NF2: variants seen among roughly 807,000 people sequenced by gnomAD.
NF2 encodes NF2, moesin-ezrin-radixin like (MERLIN) tumor suppressor, also known as merlin.
Under a neutral mutation model 83.7 loss-of-function variants are expected in NF2, and 8 were observed. The ratio of observed to expected loss-of-function variants is 0.10; its 90% CI spans 0.06 to 0.17. The LOEUF is 0.17. NF2 is among the 10% of genes least tolerant of loss of function. The pLI, the probability that NF2 is intolerant of heterozygous loss-of-function variation, is 1.00. For synonymous variants in NF2, 266 were observed against 269.6 expected (o/e 0.99, Z 0.13); for missense variants, 533 against 744.4 (o/e 0.72, Z 3.31).
intron 1 of NF2, among the ~76,000 whole-genome samples, chr22:29,605,457 AGCC>A (rs2064765407): frequency 6.6e-6 from 1 of 151,842 alleles, no homozygotes; most frequent in Non-Finnish European, 1.5e-5. Context: ...TACAGATGTG[AGCC>A]ACCCCGCCCA....
rs566160360 is a variant in NF2, at chr22:29,642,960, CT to C, written c.447+689del. Among the ~76,000 whole-genome samples the C allele has an allele frequency of 6.1e-3, 883 of 144,298 alleles. 1 individual carries two copies. Among genetic ancestry groups the C allele is most frequent in the African/African-American group, 7.5e-3 (296 of 39,446 alleles). The allele number at this position is 144,298 out of a possible 152,430, so 94.7% of individuals were successfully genotyped here. ...TCACTTCCGTTAAATCACTATAGAC[CT>C]TTTTTTTTTTTTTACAAGACCGATG... On this transcript the variant is annotated intron_variant, in intron 4 of 15. Coordinates refer to ENST00000338641, the MANE Select transcript of NF2 (RefSeq NM_000268.4).
intron 15 of NF2, chr22:29,683,087 C>T: frequency 6.2e-7 from 1 of 1,614,204 alleles, no homozygotes; most frequent in South Asian, 1.1e-5. Flanking sequence ...CAGGTACTCT[C>T]TATGTGGTGA....
At chr22:29,631,966 G>A (rs1431038803) in intron 1 of NF2, among the ~76,000 whole-genome samples, 2 of 152,274 alleles carry the variant, frequency 1.3e-5, no homozygotes, top group East Asian at 3.9e-4. Context: ...AAGCCCTCAT[G>A]TCCTGAGGCA....
chr22:29,611,059 A>G (rs990839737), intron 1 of NF2, among the ~76,000 whole-genome samples: 1 of 152,234 alleles, frequency 6.6e-6, no homozygotes, highest in Non-Finnish European at 1.5e-5. Context: ...CATTATATCA[A>G]TAGAATAAAA....
At position 29,643,913 on chromosome 22, in the gene NF2, C is replaced by G. The variant is rs1363030783; in HGVS notation, c.447+1628C>G. Among the ~76,000 whole-genome samples, 4 of 148,884 alleles carry G rather than the reference C, an allele frequency of 2.7e-5. No homozygotes were observed. The South Asian group carries it at 8.6e-4, about 32-fold the overall frequency. The stretch of plus-strand genomic sequence containing the variant: ...CTCCCGGATGGGGCGGCTGGCCGGG[C>G]GGGGGGCTGACCCCCCAACCTCCCT... On this transcript the variant is annotated intron_variant, in intron 4 of 15. Transcript: ENST00000338641.
At chr22:29,610,651 A>T (rs1414211284) in intron 1 of NF2, among the ~76,000 whole-genome samples, 1 of 151,898 alleles carries the variant, frequency 6.6e-6, no homozygotes, top group Non-Finnish European at 1.5e-5. Context: ...CTCAAAAAAA[A>T]AAAAAAAGAA....
intron 15 of NF2, among the ~76,000 whole-genome samples, chr22:29,688,831 C>G (rs2067330338): frequency 6.6e-6 from 1 of 152,244 alleles, no homozygotes; most frequent in Admixed American, 6.5e-5. Context: ...AGTGCTCCCA[C>G]TGTGCACATC....
chr22:29,649,504 C>A (rs1373311199), intron 4 of NF2, among the ~76,000 whole-genome samples: 1 of 152,182 alleles, frequency 6.6e-6, no homozygotes, highest in African/African-American at 2.4e-5. Flanking sequence ...GAGTTCGAGA[C>A]CTGCCTGGGC....
intron 8 of NF2, 125 bp downstream of exon 8, chr22:29,661,464 G>A: frequency 2.1e-6 from 3 of 1,403,076 alleles, no homozygotes; most frequent in Non-Finnish European, 3.0e-6. Flanking sequence ...CAGGCTTTGA[G>A]GGTGTGGTTG....
Position 29,604,067 on chromosome 22 carries a change from C to A in NF2, c.69C>A (p.Thr23=), listed in dbSNP as rs2064716137. 6.2e-7 allele frequency: 1 copy of A among 1,607,770 alleles called. No homozygotes were observed. Among genetic ancestry groups the A allele is most frequent in the Non-Finnish European group, 8.5e-7 (1 of 1,177,292 alleles). ...SLKRKQPKTF[T]VRIVTMDAEM... The stretch of plus-strand genomic sequence containing the variant: ...AGAGGAAGCAACCCAAGACGTTCAC[C>A]GTGAGGATCGTCACCATGGACGCCG... The change falls in exon 1 of 16, where the codon ACC becomes ACA. Residue 23 remains threonine, a synonymous_variant. Transcript: ENST00000338641.
intron 7 of NF2, among the ~76,000 whole-genome samples, chr22:29,660,569 GT>G (rs985880850): frequency 1.3e-5 from 2 of 151,840 alleles, no homozygotes; most frequent in African/African-American, 2.4e-5. Context: ...AAACCTATGG[GT>G]TTTTTTTGTT....
At chr22:29,690,622 G>A (rs2147156534) in intron 15 of NF2, among the ~76,000 whole-genome samples, 1 of 152,348 alleles carries the variant, frequency 6.6e-6, no homozygotes, top group East Asian at 1.9e-4. Context: ...AGAAAGAAAA[G>A]GAAGTTCGTC....
chr22:29,671,891 G>C lies in NF2; in HGVS notation c.1065G>C (p.Glu355Asp), dbSNP rs1277506366. 1 of 1,614,118 alleles carries C rather than the reference G, an allele frequency of 6.2e-7. No homozygotes were observed. Among genetic ancestry groups the C allele is most frequent in the African/African-American group, 1.3e-5 (1 of 74,936 alleles). ...MREEAERTRDELERRLLQMKE... is the reference protein window; with the variant it reads ...MREEAERTRDDLERRLLQMKE... The stretch of plus-strand genomic sequence containing the variant: ...AGGAGGCTGAACGCACGAGGGATGA[G>C]TTGGAGAGGAGGCTGCTGCAGATGA... Residue 355 changes from glutamate (E) to aspartate (D), a missense_variant, in exon 11 of 16, where the codon GAG (glutamate) becomes GAC (aspartate). Physicochemically the swap from Glu to Asp is conservative, Grantham distance 45. Coordinates refer to ENST00000338641, the MANE Select transcript of NF2 (RefSeq NM_000268.4).
intron 7 of NF2, 22 bp downstream of exon 7, chr22:29,658,286 C>A (rs1278865933): frequency 1.2e-6 from 2 of 1,606,724 alleles, no homozygotes; most frequent in African/African-American, 1.3e-5. Context: ...CCTCTCTGAG[C>A]TCCTTGTGTA....
At chr22:29,649,600 G>A (rs1023439925) in intron 4 of NF2, among the ~76,000 whole-genome samples, 20 of 152,088 alleles carry the variant, frequency 1.3e-4, no homozygotes, top group African/African-American at 4.8e-4. Flanking sequence ...ATAAAAGCCA[G>A]CTGTGGTGGC....
rs550207111 is a variant in NF2, at chr22:29,697,289, A to C, written c.*2487A>C. ...CCGTGTCTACTTCTGAAGTCTGGGA[A>C]GTGCCAAGCCACGCGGCCTCAAGGG... is the stretch of plus-strand genomic sequence containing the variant. On this transcript the variant is annotated 3_prime_UTR_variant, in exon 16 of 16. Coordinates refer to ENST00000338641, the MANE Select transcript of NF2 (RefSeq NM_000268.4). The C allele has an allele frequency of 4.9e-6, 1 of 203,856 alleles. No homozygotes were observed. Among genetic ancestry groups the C allele is most frequent in the Non-Finnish European group, 1.0e-5 (1 of 99,268 alleles). 12.6% of individuals were successfully genotyped at this position (203,856 alleles called of 1,614,324 possible).
intron 4 of NF2, among the ~76,000 whole-genome samples, chr22:29,651,432 A>G (rs75285883): frequency 0.073 from 11,084 of 152,300 alleles, 426 homozygotes; most frequent in African/African-American, 0.08. Flanking sequence ...GTACAGGCAT[A>G]TGAAGGTGCA....
At chr22:29,669,998 T>A in intron 10 of NF2, among the ~76,000 whole-genome samples, 1 of 152,058 alleles carries the variant, frequency 6.6e-6, no homozygotes, top group East Asian at 1.9e-4. Context: ...TGAAGGAGAT[T>A]ACCTGGCTTT....
intron 8 of NF2, among the ~76,000 whole-genome samples, chr22:29,661,616 T>C (rs2066480651): frequency 6.6e-6 from 1 of 152,198 alleles, no homozygotes; most frequent in African/African-American, 2.4e-5. Flanking sequence ...TTACTTGGCT[T>C]TCTATTTTTG....
Sources: gnomAD v4.1 joint callset for allele counts (sites outside exome capture counted in the v4.1 genomes callset) on GRCh38, gnomAD v4.1.1 for gene constraint, MANE v1.5 for transcripts, NCBI Gene and HGNC (gene_info 2026-07-23, HGNC 2026-07-21) for gene names.